Variants in SLC9A9 observed in about 807,000 individuals in gnomAD.
The protein encoded by SLC9A9 is solute carrier family 9 member A9.
In SLC9A9, 62 loss-of-function variants were observed where a neutral mutation model predicts 77.8. The observed-to-expected ratio is 0.80, with a 90% CI of 0.65 to 0.98. SLC9A9 has a LOEUF of 0.98. Ranked by LOEUF, SLC9A9 falls within the 50% of genes least tolerant of loss-of-function variation. The pLI, the probability that SLC9A9 is intolerant of heterozygous loss-of-function variation, is 0.00. For missense variants in SLC9A9, 775 were observed against 774.9 expected, an observed-to-expected ratio of 1.00 and a Z score of 0.00; for synonymous variants, 320 against 283.5, an observed-to-expected ratio of 1.13 and a Z score of -1.29.
chr3:143,829,555 C>T (rs1377860469), intron 2 of SLC9A9, among the ~76,000 whole-genome samples: 2 of 152,120 alleles, frequency 1.3e-5, no homozygotes, highest in African/African-American at 2.4e-5. Flanking sequence ...TTTCACAGTC[C>T]TCATAATTCA....
At chr3:143,620,651 C>A (rs763171447) in intron 6 of SLC9A9, 1 of 152,714 alleles carries the variant, frequency 6.5e-6, no homozygotes, top group Admixed American at 6.5e-5. Context: ...CCAAGATGGC[C>A]GAATAGGAAC....
chr3:143,827,535 T>C (rs2009331138), intron 2 of SLC9A9, among the ~76,000 whole-genome samples: 1 of 152,240 alleles, frequency 6.6e-6, no homozygotes. Flanking sequence ...TTGCTGTTTA[T>C]ATAAATGCCA....
chr3:143,771,622 G>T (rs1420245108), intron 4 of SLC9A9, among the ~76,000 whole-genome samples: 1 of 152,194 alleles, frequency 6.6e-6, no homozygotes, highest in South Asian at 2.1e-4. Flanking sequence ...AGCCTAACTT[G>T]TCATTTAAAC....
rs1400420379 is a variant in SLC9A9 at position 143,767,370 on chromosome 3, CTGTGTATG to C, written c.533+27623_533+27630del. Reference sequence around the variant, plus strand: ...ATTTGGTTTGTGAAACAGTAAGTGTCTGTGTATGTGTGTGTGTGTGTGTGTGTGTGTGT... The same window carrying C: ...ATTTGGTTTGTGAAACAGTAAGTGTCTGTGTGTGTGTGTGTGTGTGTGTGT... On this transcript the variant is annotated intron_variant, in intron 4 of 15. Transcript: ENST00000316549. 1.4e-3 allele frequency among the ~76,000 whole-genome samples: 159 copies of C among 117,586 alleles called. 2 individuals are homozygous for C. Among genetic ancestry groups the C allele is most frequent in the Non-Finnish European group, 3.6e-4 (21 of 58,434 alleles). The allele number at this position is 117,586 out of a possible 152,430, so 77.1% of individuals were successfully genotyped here.
At chr3:143,595,502 T>A (rs1290576396) in intron 6 of SLC9A9, among the ~76,000 whole-genome samples, 2 of 152,220 alleles carry the variant, frequency 1.3e-5, no homozygotes, top group African/African-American at 2.4e-5. Flanking sequence ...AATACATCCT[T>A]CAATCTTGCT....
chr3:143,391,001 C>T (rs1161970462), intron 12 of SLC9A9, among the ~76,000 whole-genome samples: 1 of 152,240 alleles, frequency 6.6e-6, no homozygotes, highest in African/African-American at 2.4e-5. Context: ...GCCTGCCTGC[C>T]TCTGTAGACT....
chr3:143,623,587 C>T (rs1384143213), intron 6 of SLC9A9, among the ~76,000 whole-genome samples: 3 of 151,936 alleles, frequency 2.0e-5, no homozygotes, highest in African/African-American at 2.4e-5. Context: ...ACACAACATA[C>T]CAGAATCTCT....
At chr3:143,317,051 A>G (rs1403503916) in intron 14 of SLC9A9, among the ~76,000 whole-genome samples, 2 of 152,170 alleles carry the variant, frequency 1.3e-5, no homozygotes. Context: ...TACAGTCAGC[A>G]CTCAATAATC....
chr3:143,744,701 A>G (rs1935163833), intron 4 of SLC9A9, among the ~76,000 whole-genome samples: 1 of 152,190 alleles, frequency 6.6e-6, no homozygotes, highest in Non-Finnish European at 1.5e-5. Context: ...TAGCTTTTTT[A>G]GTTAAAATAA....
intron 14 of SLC9A9, among the ~76,000 whole-genome samples, chr3:143,276,187 C>T (rs1225766464): frequency 2.6e-5 from 4 of 152,196 alleles, no homozygotes; most frequent in African/African-American, 9.7e-5. Context: ...CCTCTGTCTA[C>T]CTTACTGAGA....
At chr3:143,742,550 G>A (rs73154713) in intron 4 of SLC9A9, among the ~76,000 whole-genome samples, 8,637 of 152,174 alleles carry the variant, frequency 0.057, 292 homozygotes, top group Middle Eastern at 0.075. Context: ...AGTCCTAAAA[G>A]TTATCAAAGT....
intron 11 of SLC9A9, 133 bp from the exon 12 acceptor site, chr3:143,467,323 TAA>T (rs1223656414): frequency 9.6e-7 from 1 of 1,038,234 alleles, no homozygotes; most frequent in Non-Finnish European, 1.4e-6. Context: ...TATAGATTCA[TAA>T]AGAGTTGTAA....
intron 2 of SLC9A9, among the ~76,000 whole-genome samples, chr3:143,823,790 ATAT>A (rs1576753455): frequency 6.6e-6 from 1 of 152,014 alleles, no homozygotes; most frequent in East Asian, 1.9e-4. Context: ...AAAATATAAG[ATAT>A]TATATTGTTC....
chr3:143,837,772 G>C (rs768091697), intron 1 of SLC9A9, among the ~76,000 whole-genome samples: 6 of 152,052 alleles, frequency 3.9e-5, no homozygotes, highest in South Asian at 2.1e-4. Flanking sequence ...GAAGTGAAGG[G>C]AATTTGCTAG....
chr3:143,580,518 T>G (rs566847823), intron 6 of SLC9A9, among the ~76,000 whole-genome samples: 30 of 152,230 alleles, frequency 2.0e-4, no homozygotes, highest in Non-Finnish European at 3.5e-4. Context: ...TTATGTACGT[T>G]TTTCTTTAAA....
At chr3:143,701,524 A>G (rs1933801164) in intron 4 of SLC9A9, among the ~76,000 whole-genome samples, 1 of 152,204 alleles carries the variant, frequency 6.6e-6, no homozygotes, top group African/African-American at 2.4e-5. Context: ...ACATGAAAGA[A>G]TGCATCGGAG....
intron 14 of SLC9A9, among the ~76,000 whole-genome samples, chr3:143,318,162 A>G (rs576221403): frequency 6.6e-6 from 1 of 152,144 alleles, no homozygotes; most frequent in Admixed American, 6.5e-5. Context: ...CTATTTCTCA[A>G]GCTACTTTCA....
intron 9 of SLC9A9, chr3:143,503,951 C>A: frequency 2.7e-6 from 1 of 376,898 alleles, no homozygotes; most frequent in Non-Finnish European, 5.2e-6. Flanking sequence ...TGAGCCTCAG[C>A]CTTCTCCATG....
chr3:143,634,685 T>C (rs2038484004), intron 6 of SLC9A9, among the ~76,000 whole-genome samples: 2 of 152,170 alleles, frequency 1.3e-5, no homozygotes, highest in Admixed American at 1.3e-4. Context: ...GACAGAGAGA[T>C]CCATATTTTC....
Sources: gnomAD v4.1 joint callset for allele counts (sites outside exome capture counted in the v4.1 genomes callset) on GRCh38, gnomAD v4.1.1 for gene constraint, MANE v1.5 for transcripts, NCBI Gene and HGNC (gene_info 2026-07-23, HGNC 2026-07-21) for gene names.